NTM: variants seen among roughly 807,000 people sequenced by gnomAD.
The protein encoded by NTM is neurotrimin.
In NTM, 13 loss-of-function variants were observed where a neutral mutation model predicts 42.1. The observed-to-expected ratio is 0.31, with a 90% confidence interval of 0.20 to 0.49. The LOEUF is 0.49. Among genes scored for constraint, NTM ranks in the 20% least tolerant of loss-of-function variants. The pLI is 0.99. For synonymous variants in NTM, 187 were observed against 179.2 expected (o/e 1.04, Z -0.35); for missense variants, 373 against 452.8 (o/e 0.82, Z 1.60).
Position 132,335,838 on chromosome 11 carries a change from T to C in NTM, c.*692T>C, listed in dbSNP as rs948612893. 1.3e-5 allele frequency: 2 copies of C among 152,020 alleles called. No individual in the cohort carries two copies. Among genetic ancestry groups the C allele is most frequent in the Non-Finnish European group, 1.5e-5 (1 of 67,910 alleles). The allele number at this position is 152,020 out of a possible 1,614,324, so 9.4% of individuals were successfully genotyped here. A position where few individuals can be genotyped will look rare whatever the true frequency, so the allele number is the denominator to read the frequency against. On this transcript the variant is annotated 3_prime_UTR_variant, in exon 9 of 9. Coordinates refer to ENST00000683400, the MANE Select transcript of NTM (RefSeq NM_001352005.2). ...TTTCTGATATGAGTCTAGAACTTAC[T>C]GCAAAAACAAGACAAAACTAAAAAA...
chr11:131,417,859 G>A (rs1947112094), intron 1 of NTM, among the ~76,000 whole-genome samples: 1 of 152,178 alleles, frequency 6.6e-6, no homozygotes, highest in Admixed American at 6.5e-5. Context: ...TGTATTTTAT[G>A]TCTCACCTAG....
In NTM at chr11:131,568,470, A is replaced by G. The variant is rs538111972; in HGVS notation, c.82+197582A>G. Among the ~76,000 whole-genome samples, 53 of 152,304 alleles carry G rather than the reference A, an allele frequency of 3.5e-4. 2 individuals carry two copies. In the South Asian group the frequency reaches 0.011, roughly 32 times the overall value. On this transcript the variant is annotated intron_variant, in intron 1 of 8. Coordinates refer to ENST00000683400, the MANE Select transcript of NTM (RefSeq NM_001352005.2). The stretch of plus-strand genomic sequence containing the variant: ...CAGGAGTTAGATTCTAGCCTAGAAA[A>G]GAAGAGTGAGAAATTCTCCTAGTCT...
intron 1 of NTM, among the ~76,000 whole-genome samples, chr11:131,503,325 T>A (rs1398420674): frequency 2.0e-5 from 3 of 152,108 alleles, no homozygotes; most frequent in Non-Finnish European, 4.4e-5. Context: ...AGCAGGAACA[T>A]GCAGGGTAGA....
At chr11:132,108,927 TCCC>T (rs2062792964) in intron 2 of NTM, among the ~76,000 whole-genome samples, 1 of 152,158 alleles carries the variant, frequency 6.6e-6, no homozygotes, top group Non-Finnish European at 1.5e-5. Context: ...ATTGTTCAAC[TCCC>T]ACTTATGAGT....
In NTM at chr11:131,517,769, C is replaced by T. The variant is rs559455856; in HGVS notation, c.82+146881C>T. The stretch of plus-strand genomic sequence containing the variant: ...ACCTGCCTTCAGATGTTGGATCTAA[C>T]TAGTTCATTTTCCAGCCAGCCCCCA... On this transcript the variant is annotated intron_variant, in intron 1 of 8. Transcript: ENST00000683400. Among the ~76,000 whole-genome samples the T allele has an allele frequency of 1.4e-4, 22 of 152,274 alleles. No homozygotes were observed. In the Middle Eastern group the frequency reaches 0.01, roughly 71 times the overall value.
chr11:131,674,556 G>A (rs1305627951), intron 1 of NTM, among the ~76,000 whole-genome samples: 1 of 152,190 alleles, frequency 6.6e-6, no homozygotes, highest in East Asian at 1.9e-4. Flanking sequence ...TCGGGCAAGC[G>A]AACTCTTTGT....
At chr11:131,937,112 G>A (rs1038724178) in intron 2 of NTM, among the ~76,000 whole-genome samples, 3 of 152,186 alleles carry the variant, frequency 2.0e-5, no homozygotes, top group African/African-American at 7.2e-5. Flanking sequence ...TTCCCTGTCT[G>A]TATTGTGTAT....
intron 7 of NTM, among the ~76,000 whole-genome samples, chr11:132,323,544 A>G (rs2095616189): frequency 2.0e-5 from 3 of 151,852 alleles, no homozygotes; most frequent in African/African-American, 7.3e-5. Context: ...ATAGCTTACC[A>G]ACCAAAAAGA....
At chr11:131,489,589 A>G (rs551994211) in intron 1 of NTM, among the ~76,000 whole-genome samples, 5 of 152,334 alleles carry the variant, frequency 3.3e-5, no homozygotes, top group Admixed American at 1.3e-4. Context: ...TCCTTCAGCC[A>G]CAGCTTTGAT....
At chr11:131,860,632 G>T (rs1263730748) in intron 1 of NTM, among the ~76,000 whole-genome samples, 1 of 152,206 alleles carries the variant, frequency 6.6e-6, no homozygotes, top group African/African-American at 2.4e-5. Context: ...ACGCTTACTA[G>T]TTAACGAACA....
chr11:131,488,185 G>A (rs1954391672), intron 1 of NTM, among the ~76,000 whole-genome samples: 1 of 152,126 alleles, frequency 6.6e-6, no homozygotes, highest in African/African-American at 2.4e-5. Context: ...CCCAAAACTT[G>A]GGGGGTTCAA....
chr11:131,665,339 G>A (rs563843735), intron 1 of NTM, among the ~76,000 whole-genome samples: 2 of 152,310 alleles, frequency 1.3e-5, no homozygotes, highest in South Asian at 4.1e-4. Flanking sequence ...GAAGGATAAA[G>A]AGCTTTGTCC....
chr11:132,138,964 C>A (rs140672884), intron 2 of NTM, among the ~76,000 whole-genome samples: 1 of 152,124 alleles, frequency 6.6e-6, no homozygotes, highest in African/African-American at 2.4e-5. Context: ...TAATCATCAC[C>A]GAAAATGAGG....
chr11:131,715,377 G>C (rs75149406), intron 1 of NTM, among the ~76,000 whole-genome samples: 2 of 152,270 alleles, frequency 1.3e-5, no homozygotes, highest in East Asian at 3.9e-4. Flanking sequence ...AGGTGAGAAC[G>C]GGACAAATAA....
intron 1 of NTM, among the ~76,000 whole-genome samples, chr11:131,830,135 C>T (rs913788685): frequency 1.3e-5 from 2 of 152,116 alleles, no homozygotes; most frequent in African/African-American, 4.8e-5. Flanking sequence ...AGATTGTTTA[C>T]TCTGTTGATA....
chr11:131,718,470 G>A (rs184040777), intron 1 of NTM, among the ~76,000 whole-genome samples: 30 of 152,254 alleles, frequency 2.0e-4, no homozygotes, highest in Admixed American at 1.1e-3. Context: ...ATACTCATGC[G>A]TACCCAATTC....
At chr11:132,147,318 G>T (rs1591817556) in intron 3 of NTM, among the ~76,000 whole-genome samples, 1 of 152,010 alleles carries the variant, frequency 6.6e-6, no homozygotes, top group Non-Finnish European at 1.5e-5. Context: ...CAGTCCTGGG[G>T]CATTCAGACA....
chr11:131,952,736 G>C (rs2061151131), intron 2 of NTM, among the ~76,000 whole-genome samples: 1 of 152,088 alleles, frequency 6.6e-6, no homozygotes, highest in Non-Finnish European at 1.5e-5. Flanking sequence ...TAAAAAAGAA[G>C]AAATTTATTA....
At chr11:132,001,569 G>A (rs535889776) in intron 2 of NTM, among the ~76,000 whole-genome samples, 1 of 152,210 alleles carries the variant, frequency 6.6e-6, no homozygotes, top group East Asian at 1.9e-4. Flanking sequence ...CACATGGTGA[G>A]AGAGGAAGCA....
Sources: gnomAD v4.1 joint callset for allele counts (sites outside exome capture counted in the v4.1 genomes callset) on GRCh38, gnomAD v4.1.1 for gene constraint, MANE v1.5 for transcripts, NCBI Gene and HGNC (gene_info 2026-07-23, HGNC 2026-07-21) for gene names.